Variants in TRPM3 observed in about 807,000 individuals in gnomAD.
TRPM3 encodes the protein long transient receptor potential channel 3.
Under a neutral mutation model 181.2 loss-of-function variants are expected in TRPM3, and 77 were observed. The observed-to-expected ratio is 0.42, with a 90% CI of 0.35 to 0.51. The LOEUF (loss-of-function observed/expected upper bound fraction) is 0.51. Among genes scored for constraint, TRPM3 ranks in the 20% least tolerant of loss-of-function variants. TRPM3 has a pLI of 0.01. For missense variants in TRPM3, 1,759 were observed against 2,196.7 expected (o/e 0.80, Z 3.98); for synonymous variants, 745 against 796.4 (o/e 0.94, Z 1.09).
chr9:70,634,357 C>T (rs1245862011), intron 12 of TRPM3, among the ~76,000 whole-genome samples: 1 of 152,134 alleles, frequency 6.6e-6, no homozygotes, highest in East Asian at 1.9e-4. Context: ...AGGTGATCCA[C>T]CCACCTTGGG....
At chr9:71,314,805 G>T (rs1341097634) in intron 1 of TRPM3, among the ~76,000 whole-genome samples, 1 of 151,796 alleles carries the variant, frequency 6.6e-6, no homozygotes, top group East Asian at 1.9e-4. Context: ...AGATTTGGAG[G>T]GACTTAGCTT....
intron 19 of TRPM3, among the ~76,000 whole-genome samples, chr9:70,606,007 A>ACAAGT (rs1370875236): frequency 6.6e-6 from 1 of 152,244 alleles, no homozygotes; most frequent in East Asian, 1.9e-4. Flanking sequence ...TCCTCTGAAT[A>ACAAGT]CAAGTCTAAT....
At chr9:70,921,171 C>G (rs1189625888) in intron 1 of TRPM3, among the ~76,000 whole-genome samples, 1 of 152,224 alleles carries the variant, frequency 6.6e-6, no homozygotes, top group Non-Finnish European at 1.5e-5. Flanking sequence ...CTTCTCTACA[C>G]AGGTTGTTCT....
At chr9:70,569,488 G>A (rs1276758974) in intron 22 of TRPM3, among the ~76,000 whole-genome samples, 1 of 152,170 alleles carries the variant, frequency 6.6e-6, no homozygotes, top group African/African-American at 2.4e-5. Flanking sequence ...GTGATTGAAG[G>A]AACTAGTTAT....
At chr9:70,949,209 T>C (rs75653176) in intron 1 of TRPM3, among the ~76,000 whole-genome samples, 4 of 47,320 alleles carry the variant, frequency 8.5e-5, no homozygotes, top group Non-Finnish European at 1.5e-4. Flanking sequence ...ACAGTAGTCT[T>C]TTTTTTTTAA....
At chr9:71,411,220 C>T (rs2093542578) in intron 1 of TRPM3, among the ~76,000 whole-genome samples, 1 of 152,220 alleles carries the variant, frequency 6.6e-6, no homozygotes, top group South Asian at 2.1e-4. Context: ...TCCCACCACT[C>T]CTATTCAACA....
rs189020197 is a variant in TRPM3, at chr9:71,294,586, A to G, written c.183+152067T>C. Reference sequence around the variant, plus strand: ...ACTTGGTATTGTATAGTAGAGTTGAATATGAGAATATTCAATGACCAAGTA... The same window carrying G: ...ACTTGGTATTGTATAGTAGAGTTGAGTATGAGAATATTCAATGACCAAGTA... On this transcript the variant is annotated intron_variant, in intron 1 of 24. Transcript: ENST00000357533. 1.0e-3 allele frequency among the ~76,000 whole-genome samples: 157 copies of G among 152,282 alleles called. 1 individual carries two copies. Among genetic ancestry groups the G allele is most frequent in the Non-Finnish European group, 2.2e-4 (15 of 67,978 alleles).
chr9:70,961,149 AGAG>A (rs1309552574), intron 1 of TRPM3, among the ~76,000 whole-genome samples: 3 of 152,150 alleles, frequency 2.0e-5, no homozygotes, highest in African/African-American at 7.2e-5. Context: ...TAGGAGTCAG[AGAG>A]GAGATGTGAT....
intron 3 of TRPM3, among the ~76,000 whole-genome samples, chr9:70,859,578 G>A (rs1203177902): frequency 2.0e-5 from 3 of 152,156 alleles, no homozygotes; most frequent in Non-Finnish European, 4.4e-5. Flanking sequence ...TATTATTATT[G>A]TGGTTATCAT....
intron 1 of TRPM3, chr9:71,446,598 C>T (rs2094207465): frequency 1.3e-6 from 2 of 1,518,460 alleles, no homozygotes; most frequent in South Asian, 2.5e-5. Flanking sequence ...GGGCTCAAGT[C>T]GCGTGCGAAG....
At chr9:70,754,472 G>T (rs1051810597) in intron 8 of TRPM3, among the ~76,000 whole-genome samples, 3 of 152,138 alleles carry the variant, frequency 2.0e-5, no homozygotes, top group African/African-American at 7.2e-5. Context: ...GCAGAGGAGT[G>T]AATTACTTCA....
intron 20 of TRPM3, among the ~76,000 whole-genome samples, chr9:70,600,163 C>T (rs1046621375): frequency 2.0e-5 from 3 of 152,102 alleles, no homozygotes; most frequent in African/African-American, 7.2e-5. Flanking sequence ...CATCACAGAC[C>T]ACCCCAGGAT....
At position 70,531,882 on chromosome 9, in the gene TRPM3, G is replaced by C. The variant is rs930831132; in HGVS notation, c.*4071C>G. 2.0e-5 allele frequency: 3 copies of C among 152,092 alleles called. No individual in the cohort carries two copies. Among genetic ancestry groups the C allele is most frequent in the African/African-American group, 4.8e-5 (2 of 41,422 alleles). 9.4% of individuals were successfully genotyped at this position (152,092 alleles called of 1,614,324 possible). ...ACAGTGGTCCAAAGGAACATGAAAAGCATCAAGCAGATCAGGAACAAAAAT... is the reference window on the plus strand; with the variant it reads ...ACAGTGGTCCAAAGGAACATGAAAACCATCAAGCAGATCAGGAACAAAAAT... On this transcript the variant is annotated 3_prime_UTR_variant, in exon 26 of 26. Coordinates refer to ENST00000677713, the MANE Select transcript of TRPM3 (RefSeq NM_001366145.2).
chr9:71,118,351 T>C (rs967664824), intron 1 of TRPM3, among the ~76,000 whole-genome samples: 4 of 152,180 alleles, frequency 2.6e-5, no homozygotes, highest in African/African-American at 4.8e-5. Context: ...CCAACACTCA[T>C]TGGGTTTAAT....
chr9:70,592,495 T>C (rs1445106436), intron 21 of TRPM3, among the ~76,000 whole-genome samples: 1 of 152,212 alleles, frequency 6.6e-6, no homozygotes, highest in Non-Finnish European at 1.5e-5. Flanking sequence ...TGGGTCCCTG[T>C]TTGCAGTAGC....
chr9:70,937,463 C>A (rs1174970865), intron 1 of TRPM3, among the ~76,000 whole-genome samples: 1 of 152,154 alleles, frequency 6.6e-6, no homozygotes, highest in East Asian at 1.9e-4. Context: ...TATTTTATTT[C>A]ATTCTTGCTG....
intron 21 of TRPM3, 85 bp from the exon 22 acceptor site, chr9:70,591,290 C>T: frequency 1.7e-6 from 2 of 1,206,084 alleles, no homozygotes; most frequent in South Asian, 1.3e-5. Flanking sequence ...TGATGGGAAC[C>T]TTTGGAGGAG....
chr9:70,788,217 G>A (rs960822846), intron 6 of TRPM3, among the ~76,000 whole-genome samples: 5 of 127,508 alleles, frequency 3.9e-5, no homozygotes, highest in African/African-American at 6.1e-5. Flanking sequence ...CTGTGTCCAC[G>A]TGTTCTCATT....
intron 1 of TRPM3, among the ~76,000 whole-genome samples, chr9:71,029,565 T>C (rs2057022706): frequency 6.6e-6 from 1 of 152,094 alleles, no homozygotes. Context: ...ACATGAAATA[T>C]GATACAGGAA....
Sources: gnomAD v4.1 joint callset for allele counts (sites outside exome capture counted in the v4.1 genomes callset) on GRCh38, gnomAD v4.1.1 for gene constraint, MANE v1.5 for transcripts, NCBI Gene and HGNC (gene_info 2026-07-23, HGNC 2026-07-21) for gene names.